The following PLCH1 variants were observed in gnomAD, a reference collection of about 807,000 sequenced individuals.
PLCH1 encodes the protein 1-phosphatidylinositol 4,5-bisphosphate phosphodiesterase eta-1.
Under a neutral mutation model 126.7 loss-of-function variants are expected in PLCH1, and 60 were observed. The observed-to-expected ratio is 0.47, with a 90% CI of 0.38 to 0.59. The LOEUF (loss-of-function observed/expected upper bound fraction) is 0.59. PLCH1 is among the 20% of genes least tolerant of loss of function. PLCH1 has a pLI of 0.00. For synonymous variants in PLCH1, 719 were observed against 734.9 expected (o/e 0.98, Z 0.35); for missense variants, 1,723 against 2,040.0 (o/e 0.84, Z 2.99).
chr3:155,649,528 A>T (rs989456853), intron 2 of PLCH1, among the ~76,000 whole-genome samples: 2 of 152,092 alleles, frequency 1.3e-5, no homozygotes, highest in Non-Finnish European at 1.5e-5. Context: ...GAGGGGTCTC[A>T]CTTCTCCATC....
intron 12 of PLCH1, among the ~76,000 whole-genome samples, chr3:155,506,650 A>G (rs1288463085): frequency 1.4e-5 from 2 of 144,148 alleles, no homozygotes; most frequent in African/African-American, 2.6e-5. Context: ...ATGGTTTCCA[A>G]TTTCATCCAT....
At chr3:155,577,579 C>T (rs1160189340) in intron 6 of PLCH1, among the ~76,000 whole-genome samples, 3 of 152,040 alleles carry the variant, frequency 2.0e-5, no homozygotes, top group African/African-American at 4.8e-5. Context: ...TGTATGATCA[C>T]TTTTTTTATA....
chr3:155,649,295 A>G (rs1740420084), intron 2 of PLCH1, among the ~76,000 whole-genome samples: 1 of 152,182 alleles, frequency 6.6e-6, no homozygotes, highest in Admixed American at 6.5e-5. Context: ...GCCCTTGAGC[A>G]TCAATTCCAG....
chr3:155,622,869 A>G (rs1736704285), intron 2 of PLCH1, among the ~76,000 whole-genome samples: 1 of 152,190 alleles, frequency 6.6e-6, no homozygotes, highest in Admixed American at 6.5e-5. Context: ...CAGAAAATAA[A>G]CAAGTGTATC....
intron 12 of PLCH1, among the ~76,000 whole-genome samples, chr3:155,513,137 C>A (rs921700931): frequency 4.6e-5 from 7 of 152,226 alleles, no homozygotes; most frequent in African/African-American, 1.4e-4. Flanking sequence ...GAGCCATACT[C>A]AGCACATTCT....
chr3:155,586,605 G>C (rs1191597979), intron 4 of PLCH1, among the ~76,000 whole-genome samples: 1 of 152,130 alleles, frequency 6.6e-6, no homozygotes, highest in Non-Finnish European at 1.5e-5. Context: ...AACTTGTGAG[G>C]CTGAGGCAGG....
intron 8 of PLCH1, among the ~76,000 whole-genome samples, chr3:155,557,253 A>G (rs1305396830): frequency 6.6e-6 from 1 of 152,220 alleles, no homozygotes; most frequent in Non-Finnish European, 1.5e-5. Flanking sequence ...CAGGTGTTTC[A>G]AATAATATAT....
chr3:155,472,124 T>C (rs1413832717), intron 21 of PLCH1, among the ~76,000 whole-genome samples: 1 of 151,786 alleles, frequency 6.6e-6, no homozygotes, highest in Non-Finnish European at 1.5e-5. Context: ...CTTCGAAAAA[T>C]TAATGAATCC....
rs567765319 is a variant in PLCH1, at chr3:155,595,774, T to C, written c.226+458A>G. ...TTTCTCTAGGGAAAGCTGACTAATA[T>C]AGTGTGAGGGAAAGAAGCTTTAAGT... is the stretch of plus-strand genomic sequence containing the variant. On this transcript the variant is annotated intron_variant, in intron 3 of 22. Transcript: ENST00000460012. Among the ~76,000 whole-genome samples, 13 of 152,260 alleles carry C rather than the reference T, an allele frequency of 8.5e-5. No homozygotes were observed. In the East Asian group the frequency reaches 1.4e-3, roughly 16 times the overall value.
intron 7 of PLCH1, among the ~76,000 whole-genome samples, chr3:155,565,652 C>T (rs1728247321): frequency 6.6e-6 from 1 of 151,646 alleles, no homozygotes; most frequent in African/African-American, 2.4e-5. Context: ...AATTACCTAG[C>T]CTCGGGTATT....
chr3:155,743,294 G>A, intron 1 of PLCH1: 1 of 447,178 alleles, frequency 2.2e-6, no homozygotes, highest in South Asian at 1.6e-5. Context: ...CACTTTGGGA[G>A]GCAGAGGTGG....
chr3:155,535,079 A>G (rs538362412), intron 10 of PLCH1, among the ~76,000 whole-genome samples: 56 of 152,360 alleles, frequency 3.7e-4, no homozygotes, highest in African/African-American at 8.4e-4. Flanking sequence ...AGAGCTGAGC[A>G]AAATATAAAG....
intron 2 of PLCH1, among the ~76,000 whole-genome samples, chr3:155,684,263 A>G (rs1473436835): frequency 1.3e-5 from 2 of 152,200 alleles, no homozygotes; most frequent in African/African-American, 4.8e-5. Context: ...AGAGATAACC[A>G]TAAATTGGGG....
At chr3:155,474,761 G>C (rs1325281025) in intron 21 of PLCH1, among the ~76,000 whole-genome samples, 3 of 113,232 alleles carry the variant, frequency 2.6e-5, no homozygotes, top group Non-Finnish European at 5.1e-5. Flanking sequence ...AAAATGATGA[G>C]TTCATGTCCT....
In PLCH1 at chr3:155,658,977, T is replaced by C. The variant is rs1226118968; in HGVS notation, c.79+45169A>G. ...CAGACCATAGCACCAACTTAACTGG[T>C]TGACATGAGTGAAATCTCAAAGACA... On this transcript the variant is annotated intron_variant, in intron 2 of 22. Coordinates refer to ENST00000460012, the MANE Select transcript of PLCH1 (RefSeq NM_014996.4). Among the ~76,000 whole-genome samples, 3 of 152,178 alleles carry C rather than the reference T, an allele frequency of 2.0e-5. No homozygotes were observed. In the East Asian group the frequency reaches 5.8e-4, roughly 29 times the overall value.
chr3:155,632,980 C>T (rs757497888), intron 2 of PLCH1, among the ~76,000 whole-genome samples: 1 of 151,992 alleles, frequency 6.6e-6, no homozygotes, highest in African/African-American at 2.4e-5. Flanking sequence ...ACTAACATTG[C>T]CAATGAGGTC....
chr3:155,698,731 G>A (rs1746014648), intron 2 of PLCH1, among the ~76,000 whole-genome samples: 1 of 152,088 alleles, frequency 6.6e-6, no homozygotes, highest in Non-Finnish European at 1.5e-5. Flanking sequence ...CCTACAAAGT[G>A]TCACACCTGG....
intron 1 of PLCH1, among the ~76,000 whole-genome samples, chr3:155,744,259 C>A (rs1749826325): frequency 6.6e-6 from 1 of 152,180 alleles, no homozygotes; most frequent in South Asian, 2.1e-4. Context: ...TTTGCCTCCA[C>A]CACCCCGCGC....
chr3:155,667,720 C>T (rs1387589810), intron 2 of PLCH1, among the ~76,000 whole-genome samples: 1 of 151,876 alleles, frequency 6.6e-6, no homozygotes, highest in African/African-American at 2.4e-5. Context: ...CACATGCCAA[C>T]TTCCCCACCA....
Sources: gnomAD v4.1 joint callset for allele counts (sites outside exome capture counted in the v4.1 genomes callset) on GRCh38, gnomAD v4.1.1 for gene constraint, MANE v1.5 for transcripts, NCBI Gene and HGNC (gene_info 2026-07-23, HGNC 2026-07-21) for gene names.